Variants in SMIM22 observed in about 807,000 individuals in gnomAD.
The protein encoded by SMIM22 is cancer associated small integral membrane open reading frame 1.
SMIM22 carries 16 observed loss-of-function variants against 8.4 expected under a neutral mutation model. That is an observed-to-expected ratio of 1.90 (90% CI 1.29 to 2.89). The LOEUF (loss-of-function observed/expected upper bound fraction) is 2.89. SMIM22 is among the 30% of genes most tolerant of loss of function. The probability of loss-of-function intolerance (pLI) is 0.00; values close to 1 mark genes in which losing one functional copy is unlikely to be tolerated. For synonymous variants in SMIM22, 67 were observed against 47.6 expected (o/e 1.41, Z -1.68); for missense variants, 159 against 107.5 (o/e 1.48, Z -2.12).
chr16:4,793,669 T>G (rs929651679), upstream of SMIM22, among the ~76,000 whole-genome samples: 1 of 152,224 alleles, frequency 6.6e-6, no homozygotes, highest in African/African-American at 2.4e-5. Flanking sequence ...CAGAAAATAT[T>G]TGGAAACAAA....
upstream of SMIM22, among the ~76,000 whole-genome samples, chr16:4,794,112 T>G (rs2082595893): frequency 6.6e-6 from 1 of 150,626 alleles, no homozygotes; most frequent in South Asian, 2.1e-4. Flanking sequence ...ATTTTTGTAT[T>G]ATTATTATTT....
chr16:4,791,661 C>T (rs527604917), upstream of SMIM22, among the ~76,000 whole-genome samples: 4 of 152,270 alleles, frequency 2.6e-5, no homozygotes, highest in African/African-American at 9.6e-5. Context: ...ACTGTCCTGC[C>T]TGGGACTGGG....
chr16:4,790,498 G>A (rs2082535387), upstream of SMIM22, among the ~76,000 whole-genome samples: 2 of 152,126 alleles, frequency 1.3e-5, no homozygotes, highest in Admixed American at 1.3e-4. Flanking sequence ...AGGCTTAGAG[G>A]CTAGGGGTCA....
upstream of SMIM22, among the ~76,000 whole-genome samples, chr16:4,793,706 CT>C (rs2082589463): frequency 6.6e-6 from 1 of 152,160 alleles, no homozygotes; most frequent in Admixed American, 6.6e-5. Context: ...CATGTACAGA[CT>C]TTTTTGCTTA....
upstream of SMIM22, among the ~76,000 whole-genome samples, chr16:4,793,375 C>T (rs1020287039): frequency 2.0e-5 from 3 of 152,138 alleles, no homozygotes; most frequent in Admixed American, 6.6e-5. Flanking sequence ...GGTAGTGTTA[C>T]GGCAGCATTG....
upstream of SMIM22, among the ~76,000 whole-genome samples, chr16:4,792,469 C>A (rs1171755958): frequency 3.4e-5 from 5 of 146,050 alleles, 2 homozygotes; most frequent in Admixed American, 2.7e-4. Flanking sequence ...GGATTACAGG[C>A]ATGAGCCACC....
intron 2 of SMIM22, among the ~76,000 whole-genome samples, chr16:4,789,371 G>A (rs1041916883): frequency 6.6e-6 from 1 of 151,342 alleles, no homozygotes; most frequent in Non-Finnish European, 1.5e-5. Context: ...TGTCACCCAG[G>A]CTGGAGTTTA....
At chr16:4,794,691 A>T (rs1194721401), upstream of SMIM22, among the ~76,000 whole-genome samples, 1 of 152,162 alleles carries the variant, frequency 6.6e-6, no homozygotes, top group Non-Finnish European at 1.5e-5. Flanking sequence ...AAGTGCTGGG[A>T]TTACAGGCGT....
chr16:4,789,253 C>T (rs1479433409), intron 2 of SMIM22, among the ~76,000 whole-genome samples: 1 of 152,176 alleles, frequency 6.6e-6, no homozygotes, highest in African/African-American at 2.4e-5. Flanking sequence ...CTCAAGTGAT[C>T]CACCAACCCT....
At chr16:4,794,643 C>CA (rs758125171), upstream of SMIM22, among the ~76,000 whole-genome samples, 6 of 151,898 alleles carry the variant, frequency 4.0e-5, no homozygotes, top group Non-Finnish European at 7.4e-5. Flanking sequence ...AGGCTGGTCT[C>CA]AAACTTCTGG....
upstream of SMIM22, among the ~76,000 whole-genome samples, chr16:4,793,357 G>C (rs116563225): frequency 0.019 from 2,876 of 152,284 alleles, 91 homozygotes; most frequent in African/African-American, 0.066. Flanking sequence ...TGAAGCCACA[G>C]AGTTTGTGGT....
upstream of SMIM22, among the ~76,000 whole-genome samples, chr16:4,792,335 T>G (rs536604187): frequency 6.6e-6 from 1 of 151,126 alleles, no homozygotes; most frequent in Admixed American, 6.6e-5. Context: ...GGACTACAGG[T>G]GCCCGCCACC....
intron 1 of SMIM22, 48 bp from the exon 2 acceptor site, chr16:4,795,667 C>A: frequency 6.6e-7 from 1 of 1,519,148 alleles, no homozygotes; most frequent in South Asian, 1.2e-5. Context: ...GTGGTCCCCG[C>A]TGAGCTGAGC....
upstream of SMIM22, among the ~76,000 whole-genome samples, chr16:4,792,253 T>G (rs1037005091): frequency 2.7e-5 from 4 of 149,542 alleles, no homozygotes; most frequent in Non-Finnish European, 4.4e-5. Flanking sequence ...TGCAGTGGCG[T>G]GATCTCGGCT....
At chr16:4,789,965 A>C (rs1289378476) in intron 2 of SMIM22, 1 of 145,390 alleles carries the variant, frequency 6.9e-6, no homozygotes, top group Non-Finnish European at 1.5e-5. Context: ...CCCAAGTTGG[A>C]GTGCAGAGGC....
upstream of SMIM22, among the ~76,000 whole-genome samples, chr16:4,792,106 G>A (rs2082559538): frequency 6.6e-6 from 1 of 152,188 alleles, no homozygotes; most frequent in African/African-American, 2.4e-5. Context: ...GAAGACTGAG[G>A]GCCAGAGGGG....
rs1402595965 is a variant in SMIM22 at position 4,796,032 on chromosome 16, A to C, written c.209A>C (p.Lys70Thr). The change falls in exon 3 of 4, where the codon AAG becomes ACG. Residue 70 changes from lysine to threonine, a missense_variant. By Grantham distance (78) the Lys-to-Thr change is moderately conservative. Coordinates refer to ENST00000586005, the MANE Select transcript of SMIM22 (RefSeq NM_001253794.2). ...GGGCCCCGCAGGGAAAGCCCCAGGA[A>C]GGTGAGCCCCTGGAAGGTGAGCCCT... Reference protein sequence around the residue: ...SPGPRRESPRKVSPWKERPKG... With the variant: ...SPGPRRESPRTVSPWKERPKG... 6.5e-6 allele frequency: 10 copies of C among 1,526,984 alleles called. No individual in the cohort carries two copies. Among genetic ancestry groups the C allele is most frequent in the Admixed American group, 2.0e-5 (1 of 50,152 alleles). 94.6% of individuals were successfully genotyped at this position (1,526,984 alleles called of 1,614,324 possible).
upstream of SMIM22, among the ~76,000 whole-genome samples, chr16:4,791,516 G>C (rs1167302311): frequency 6.6e-6 from 1 of 152,108 alleles, no homozygotes; most frequent in African/African-American, 2.4e-5. Flanking sequence ...TTACAGATGA[G>C]TATACTGAGG....
chr16:4,796,276 C>T lies in SMIM22; in HGVS notation c.*45C>T. ...TGGCAGTAACAAAGCCTTCTGTCTG[C>T]CCAGAGCCTGAGTCTGCAGTGTCTT... On this transcript the variant is annotated 3_prime_UTR_variant, in exon 4 of 4. Transcript: ENST00000586005. The T allele has an allele frequency of 1.3e-6, 2 of 1,531,640 alleles. No homozygotes were observed. Among genetic ancestry groups the T allele is most frequent in the Non-Finnish European group, 1.7e-6 (2 of 1,144,218 alleles). 94.9% of individuals were successfully genotyped at this position (1,531,640 alleles called of 1,614,324 possible). A position where few individuals can be genotyped will look rare whatever the true frequency, so the allele number is the denominator to read the frequency against.
Sources: allele counts gnomAD v4.1 joint callset (sites outside exome capture counted in the v4.1 genomes callset), GRCh38; gene constraint gnomAD v4.1.1; transcripts MANE v1.5; gene names NCBI Gene and HGNC (gene_info 2026-07-23, HGNC 2026-07-21).